Variants in SPECC1 observed in about 807,000 individuals in gnomAD.
SPECC1 encodes the protein cytospin-B.
SPECC1 carries 62 observed loss-of-function variants against 104.1 expected under a neutral mutation model. That is an observed-to-expected ratio of 0.60 (90% CI 0.49 to 0.74). SPECC1 has a LOEUF of 0.74. SPECC1 is among the 30% of genes least tolerant of loss of function. SPECC1 has a pLI of 0.00. For synonymous variants in SPECC1, 513 were observed against 501.6 expected (o/e 1.02, Z -0.30); for missense variants, 1,306 against 1,310.5 (o/e 1.00, Z 0.05).
At chr17:20,218,468 T>C (rs1405544716) in intron 4 of SPECC1, among the ~76,000 whole-genome samples, 1 of 152,208 alleles carries the variant, frequency 6.6e-6, no homozygotes, top group Non-Finnish European at 1.5e-5. Context: ...TGATCTATTT[T>C]GTATTACAAT....
At chr17:20,299,866 G>A (rs2041510172) in intron 13 of SPECC1, among the ~76,000 whole-genome samples, 1 of 152,154 alleles carries the variant, frequency 6.6e-6, no homozygotes, top group South Asian at 2.1e-4. Flanking sequence ...CTGGATGGGA[G>A]AGCAGAGCTT....
chr17:20,307,370 C>T (rs974209063), intron 14 of SPECC1, among the ~76,000 whole-genome samples: 17 of 152,114 alleles, frequency 1.1e-4, no homozygotes, highest in Admixed American at 9.8e-4. Flanking sequence ...TCCTTTTGTC[C>T]CCATGCTTGT....
intron 3 of SPECC1, among the ~76,000 whole-genome samples, chr17:20,201,747 G>A (rs550647571): frequency 1.3e-5 from 2 of 152,152 alleles, no homozygotes; most frequent in African/African-American, 2.4e-5. Context: ...TCTTTTCCTC[G>A]TTGAGTGTGT....
At chr17:20,265,021 A>G (rs936320706) in intron 12 of SPECC1, among the ~76,000 whole-genome samples, 6 of 152,028 alleles carry the variant, frequency 3.9e-5, no homozygotes, top group East Asian at 1.9e-4. Context: ...TCTTTATCCA[A>G]CCCACTGTTG....
At chr17:20,125,444 A>G (rs1393259796) in intron 3 of SPECC1, among the ~76,000 whole-genome samples, 1 of 152,162 alleles carries the variant, frequency 6.6e-6, no homozygotes, top group African/African-American at 2.4e-5. Flanking sequence ...CTACCCTCTG[A>G]ACACATTTTT....
intron 3 of SPECC1, among the ~76,000 whole-genome samples, chr17:20,115,991 T>C (rs2048736025): frequency 6.6e-6 from 1 of 152,244 alleles, no homozygotes; most frequent in African/African-American, 2.4e-5. Flanking sequence ...CTGAAAATTG[T>C]CTTAGAATTT....
At chr17:20,168,095 C>T (rs540465886) in intron 3 of SPECC1, among the ~76,000 whole-genome samples, 4 of 152,084 alleles carry the variant, frequency 2.6e-5, no homozygotes, top group South Asian at 2.1e-4. Context: ...GAAAGCATTC[C>T]GATTTGTTTT....
chr17:20,118,083 C>T (rs200380881), intron 3 of SPECC1, among the ~76,000 whole-genome samples: 2 of 151,520 alleles, frequency 1.3e-5, no homozygotes, highest in Non-Finnish European at 2.9e-5. Flanking sequence ...CCGGCCTGGG[C>T]AACAGTGAGA....
At chr17:20,307,050 T>A (rs2041788543) in intron 14 of SPECC1, among the ~76,000 whole-genome samples, 1 of 151,998 alleles carries the variant, frequency 6.6e-6, no homozygotes, top group South Asian at 2.1e-4. Flanking sequence ...AAATGAAAAA[T>A]TGGAATTAAG....
At chr17:20,153,453 G>A (rs1348007588) in intron 3 of SPECC1, among the ~76,000 whole-genome samples, 1 of 152,234 alleles carries the variant, frequency 6.6e-6, no homozygotes, top group Non-Finnish European at 1.5e-5. Flanking sequence ...GATAATTCAG[G>A]TGGAGGAGCA....
intron 10 of SPECC1, among the ~76,000 whole-genome samples, 169 bp downstream of exon 10, chr17:20,253,755 C>G (rs1252293834): frequency 6.6e-6 from 1 of 152,188 alleles, no homozygotes; most frequent in Non-Finnish European, 1.5e-5. Flanking sequence ...AGCAGTGCAG[C>G]TGACAAAAGG....
chr17:20,050,044 C>T (rs1399553032), intron 1 of SPECC1, among the ~76,000 whole-genome samples: 11 of 151,986 alleles, frequency 7.2e-5, no homozygotes, highest in African/African-American at 1.9e-4. Context: ...CTCGAACTCC[C>T]GACCTCAGGT....
At chr17:20,291,463 G>T (rs1220556830) in intron 12 of SPECC1, among the ~76,000 whole-genome samples, 1 of 152,186 alleles carries the variant, frequency 6.6e-6, no homozygotes, top group Admixed American at 6.5e-5. Context: ...TATAACACTA[G>T]TCACCGTGCA....
intron 3 of SPECC1, among the ~76,000 whole-genome samples, chr17:20,121,828 A>G (rs564643652): frequency 5.3e-4 from 80 of 152,360 alleles, no homozygotes; most frequent in Admixed American, 8.5e-4. Flanking sequence ...CAGCCTTGTC[A>G]AAAGCACCCA....
intron 3 of SPECC1, among the ~76,000 whole-genome samples, chr17:20,196,396 C>T (rs1300026521): frequency 1.3e-5 from 2 of 152,210 alleles, no homozygotes; most frequent in Non-Finnish European, 2.9e-5. Flanking sequence ...TCCAGCATAG[C>T]TAGGGGGCAT....
rs530812353 is a variant in SPECC1, at chr17:20,239,201, A to T, written c.2352-6725A>T. ...TGTGTTTTGTTGACATTTAAATATG[A>T]ATAGATTGATGATTTAATGTATTGG... On this transcript the variant is annotated intron_variant, in intron 7 of 14. Coordinates refer to ENST00000395527, the MANE Select transcript of SPECC1 (RefSeq NM_001243439.2). 8.1e-4 allele frequency: 824 copies of T among 1,020,592 alleles called. 2 individuals carry two copies. The highest frequency in any genetic ancestry group is 1.4e-3 in the Middle Eastern group (3 of 2,112). The allele number at this position is 1,020,592 out of a possible 1,614,324, so 63.2% of individuals were successfully genotyped here.
chr17:20,247,337 A>G lies in SPECC1; in HGVS notation c.2598+18A>G, dbSNP rs1290996689. On this transcript the variant is annotated intron_variant, in intron 9 of 14. Coordinates refer to ENST00000395527, the MANE Select transcript of SPECC1 (RefSeq NM_001243439.2). ...CAATGCAGGTAGATGAGCCCCAGAA[A>G]TAACCACTGCTTATGGTTTGCTGTG... The G allele has an allele frequency of 3.2e-6, 5 of 1,575,326 alleles. No homozygotes were observed. Among genetic ancestry groups the G allele is most frequent in the Non-Finnish European group, 1.7e-6 (2 of 1,146,202 alleles).
intron 3 of SPECC1, among the ~76,000 whole-genome samples, chr17:20,143,916 G>C (rs954717774): frequency 1.3e-5 from 2 of 152,316 alleles, no homozygotes; most frequent in South Asian, 4.1e-4. Context: ...CACAGGGCGT[G>C]GGGGAGCCCA....
chr17:20,295,504 G>A (rs1443467771), intron 12 of SPECC1, among the ~76,000 whole-genome samples: 1 of 152,154 alleles, frequency 6.6e-6, no homozygotes, highest in East Asian at 1.9e-4. Context: ...CTTTATAGCA[G>A]CGTGATTTAT....
Sources: gnomAD v4.1 joint callset for allele counts (sites outside exome capture counted in the v4.1 genomes callset) on GRCh38, gnomAD v4.1.1 for gene constraint, MANE v1.5 for transcripts, NCBI Gene and HGNC (gene_info 2026-07-23, HGNC 2026-07-21) for gene names.